Variants in CDH12 observed in about 807,000 individuals in gnomAD.
The protein encoded by CDH12 is cadherin-12.
Under a neutral mutation model 74.1 loss-of-function variants are expected in CDH12, and 41 were observed. The ratio of observed to expected loss-of-function variants is 0.55; its 90% confidence interval spans 0.43 to 0.72. The LOEUF (loss-of-function observed/expected upper bound fraction) is 0.72, where lower values mean the gene tolerates loss of function less well. Among genes scored for constraint, CDH12 ranks in the 30% least tolerant of loss-of-function variants. The pLI, the probability that CDH12 is intolerant of heterozygous loss-of-function variation, is 0.00. For missense variants in CDH12, 945 were observed against 977.2 expected, an observed-to-expected ratio of 0.97 and a Z score of 0.44; for synonymous variants, 399 against 355.0, an observed-to-expected ratio of 1.12 and a Z score of -1.39.
At chr5:22,547,901 T>G (rs1353503056) in intron 1 of CDH12, among the ~76,000 whole-genome samples, 3 of 152,194 alleles carry the variant, frequency 2.0e-5, no homozygotes, top group Non-Finnish European at 4.4e-5. Flanking sequence ...CATGGAAACC[T>G]TCTCCCCAAC....
At chr5:22,614,699 C>G (rs1203906128) in intron 1 of CDH12, among the ~76,000 whole-genome samples, 1 of 152,148 alleles carries the variant, frequency 6.6e-6, no homozygotes, top group Non-Finnish European at 1.5e-5. Flanking sequence ...GTTTCCATCT[C>G]CTTTTCCAAC....
chr5:22,090,538 G>A (rs1158584870), intron 4 of CDH12, among the ~76,000 whole-genome samples: 5 of 147,896 alleles, frequency 3.4e-5, no homozygotes, highest in East Asian at 3.9e-4. Context: ...TATTCTATGC[G>A]ACCTTTAACA....
chr5:22,796,613 G>A (rs1748232894), intron 1 of CDH12, among the ~76,000 whole-genome samples: 1 of 101,452 alleles, frequency 9.9e-6, no homozygotes, highest in Admixed American at 1.0e-4. Context: ...TCCGCCTCCC[G>A]GGTTCACGCC....
chr5:21,751,847 T>A lies in CDH12; in HGVS notation c.2275A>T (p.Thr759Ser), dbSNP rs769319879. 1.9e-6 allele frequency: 3 copies of A among 1,613,956 alleles called. No homozygotes were observed. The highest frequency in any genetic ancestry group is 2.5e-6 in the Non-Finnish European group (3 of 1,180,026). ...TAGTCATAGTCCTGGTCGGCTTCTGTGGTGAGAGAGTCTATAGAGCTGAGG... is the reference window on the plus strand; with the variant it reads ...TAGTCATAGTCCTGGTCGGCTTCTGAGGTGAGAGAGTCTATAGAGCTGAGG... ...ESLSSIDSLT[T>S]EADQDYDYLT... The change falls in exon 15 of 15, where the codon ACA (threonine) becomes TCA (serine). Residue 759 changes from threonine to serine, a missense_variant. This residue lies in a region of CDH12 where 791 missense variants were observed against 792.8 expected (regional missense o/e 1.00). Transcript: ENST00000382254.
intron 4 of CDH12, among the ~76,000 whole-genome samples, chr5:22,142,113 G>A (rs978891449): frequency 9.9e-5 from 15 of 152,138 alleles, no homozygotes; most frequent in Non-Finnish European, 1.8e-4. Context: ...GGCACAAGAT[G>A]ATTTTTGAAC....
intron 4 of CDH12, among the ~76,000 whole-genome samples, chr5:22,123,969 T>TG (rs1276414496): frequency 4.6e-5 from 7 of 151,086 alleles, no homozygotes; most frequent in African/African-American, 1.7e-4. Flanking sequence ...TTTTATTTTA[T>TG]TTTTTATTTT....
At chr5:22,053,590 T>C (rs773429542) in intron 5 of CDH12, among the ~76,000 whole-genome samples, 7 of 152,096 alleles carry the variant, frequency 4.6e-5, no homozygotes, top group Non-Finnish European at 8.8e-5. Flanking sequence ...AAGTGACCTG[T>C]AACTAATGGC....
chr5:21,919,512 T>C (rs1160678284), intron 6 of CDH12, among the ~76,000 whole-genome samples: 1 of 152,158 alleles, frequency 6.6e-6, no homozygotes, highest in African/African-American at 2.4e-5. Flanking sequence ...CCTCCACTTC[T>C]TTCATGCAAA....
chr5:22,007,716 A>G (rs1737049697), intron 5 of CDH12, among the ~76,000 whole-genome samples: 1 of 152,134 alleles, frequency 6.6e-6, no homozygotes, highest in Admixed American at 6.5e-5. Flanking sequence ...CCTTCTCCCC[A>G]TGGTTTCCCA....
At position 21,802,386 on chromosome 5, in the gene CDH12, A is replaced by C; in HGVS notation, c.1037T>G (p.Phe346Cys). 1 of 1,613,842 alleles carries C rather than the reference A, an allele frequency of 6.2e-7. No homozygotes were observed. The highest frequency in any genetic ancestry group is 1.3e-5 in the African/African-American group (1 of 74,982). The change falls in exon 10 of 15, where the codon TTC (phenylalanine) becomes TGC (cysteine). Residue 346 changes from phenylalanine to cysteine, a missense_variant. Around this residue, in one of 3 missense-constraint regions of CDH12, gnomAD observed 791 missense variants for 792.8 expected, o/e 1.00. Transcript: ENST00000382254. ...LDFETKKAYT[F>C]KVEASNLHLD... ...GTGAAGGTTGGAAGCCTCAACTTTG[A>C]AAGTGTATGCCTTCTTTGTTTCAAA... is the stretch of plus-strand genomic sequence containing the variant.
intron 7 of CDH12, among the ~76,000 whole-genome samples, chr5:21,848,672 G>C (rs1750307934): frequency 6.6e-6 from 1 of 151,762 alleles, no homozygotes; most frequent in South Asian, 2.1e-4. Flanking sequence ...GAGTTATCAG[G>C]TTATCTTCAG....
chr5:22,204,161 TG>T (rs750568929), intron 4 of CDH12, among the ~76,000 whole-genome samples: 2 of 85,068 alleles, frequency 2.4e-5, no homozygotes, highest in Non-Finnish European at 4.6e-5. Context: ...TTGTTTTGTT[TG>T]TTTTTTTTTT....
At chr5:22,763,097 G>A (rs367949681) in intron 1 of CDH12, among the ~76,000 whole-genome samples, 214 of 152,032 alleles carry the variant, frequency 1.4e-3, no homozygotes, top group African/African-American at 5.0e-3. Flanking sequence ...TTTTTGAAGA[G>A]GTGTTGTTTT....
At chr5:22,691,758 C>T (rs990393268) in intron 1 of CDH12, among the ~76,000 whole-genome samples, 4 of 152,266 alleles carry the variant, frequency 2.6e-5, no homozygotes, top group Admixed American at 6.5e-5. Flanking sequence ...TTGGCTTACC[C>T]TATCCCCCAC....
At chr5:21,911,471 G>C (rs1753855829) in intron 6 of CDH12, among the ~76,000 whole-genome samples, 1 of 151,944 alleles carries the variant, frequency 6.6e-6, no homozygotes, top group Non-Finnish European at 1.5e-5. Context: ...CAATATTATT[G>C]ATAATGGTTT....
At chr5:22,416,121 C>A (rs1268259) in intron 2 of CDH12, among the ~76,000 whole-genome samples, 2 of 135,010 alleles carry the variant, frequency 1.5e-5, no homozygotes, top group Non-Finnish European at 1.5e-5. Flanking sequence ...GTGGCCCAGG[C>A]GGGAGTGCAG....
At chr5:22,566,673 C>G (rs971948759) in intron 1 of CDH12, among the ~76,000 whole-genome samples, 1 of 152,144 alleles carries the variant, frequency 6.6e-6, no homozygotes, top group Non-Finnish European at 1.5e-5. Flanking sequence ...AACAAAAATG[C>G]TGGTTAGCGT....
intron 1 of CDH12, among the ~76,000 whole-genome samples, chr5:22,672,125 T>TTA (rs1740936202): frequency 7.4e-6 from 1 of 134,850 alleles, no homozygotes; most frequent in Non-Finnish European, 1.6e-5. Flanking sequence ...ATATATATTA[T>TTA]TTTATATATA....
chr5:22,603,800 A>G (rs1736964088), intron 1 of CDH12, among the ~76,000 whole-genome samples: 2 of 152,302 alleles, frequency 1.3e-5, no homozygotes, highest in South Asian at 4.1e-4. Flanking sequence ...AAAGAGATGA[A>G]CCATTATAGA....
Sources: gnomAD v4.1 joint callset for allele counts (sites outside exome capture counted in the v4.1 genomes callset) on GRCh38, gnomAD v4.1.1 for gene constraint, gnomAD v4.1.1 regional missense constraint, MANE v1.5 for transcripts, NCBI Gene and HGNC (gene_info 2026-07-23, HGNC 2026-07-21) for gene names.